PCDHA8: variants seen among roughly 807,000 people sequenced by gnomAD.
PCDHA8 encodes protocadherin alpha 8.
PCDHA8 carries 53 observed loss-of-function variants against 61.8 expected under a neutral mutation model. The ratio of observed to expected loss-of-function variants is 0.86; its 90% CI spans 0.69 to 1.08. The LOEUF is 1.08. Among genes scored for constraint, PCDHA8 ranks in the 50% least tolerant of loss-of-function variants. The probability of loss-of-function intolerance (pLI) is 0.00; values close to 1 mark genes in which losing one functional copy is unlikely to be tolerated. For missense variants in PCDHA8, 1,293 were observed against 1,245.0 expected (o/e 1.04, Z -0.58); for synonymous variants, 618 against 556.6 (o/e 1.11, Z -1.55).
chr5:140,842,730 C>T lies in PCDHA8; in HGVS notation c.1409C>T (p.Pro470Leu), dbSNP rs1302356073. Residue 470 changes from proline to leucine, a missense_variant, in exon 1 of 4, where the codon CCG (proline) becomes CTG (leucine). Transcript: ENST00000531613. ...YTVFVKENNP[P>L]GCHIFTVSAR... is the part of the protein sequence containing the mutation. ...GTGTTCGTGAAGGAGAACAACCCGC[C>T]GGGCTGCCACATCTTCACGGTGTCT... The T allele has an allele frequency of 6.3e-7, 1 of 1,594,964 alleles. No homozygotes were observed. Among genetic ancestry groups the T allele is most frequent in the Non-Finnish European group, 8.6e-7 (1 of 1,165,482 alleles).
intron 1 of PCDHA8, among the ~76,000 whole-genome samples, chr5:140,846,792 C>A (rs1780678433): frequency 6.7e-6 from 1 of 149,422 alleles, no homozygotes. Context: ...TACTGAGCCC[C>A]AGCCCCTGGC....
At chr5:140,917,522 G>A (rs931609211) in intron 1 of PCDHA8, among the ~76,000 whole-genome samples, 1 of 152,144 alleles carries the variant, frequency 6.6e-6, no homozygotes, top group Non-Finnish European at 1.5e-5. Context: ...TTTATTCTAC[G>A]GTTTGTATAG....
intron 3 of PCDHA8, among the ~76,000 whole-genome samples, chr5:140,992,017 CTGTG>C (rs10602499): frequency 0.28 from 40,265 of 145,404 alleles, 5,754 homozygotes; most frequent in East Asian, 0.38. Flanking sequence ...AGAGGTGGCT[CTGTG>C]TGTGTGTGTG....
chr5:140,908,967 G>C (rs1039870615), intron 1 of PCDHA8, among the ~76,000 whole-genome samples: 4 of 152,076 alleles, frequency 2.6e-5, no homozygotes, highest in Non-Finnish European at 5.9e-5. Context: ...ATCTTGATAG[G>C]CCCCACTCCA....
At chr5:140,913,144 A>T (rs1473490766) in intron 1 of PCDHA8, among the ~76,000 whole-genome samples, 4 of 152,180 alleles carry the variant, frequency 2.6e-5, no homozygotes, top group Non-Finnish European at 5.9e-5. Context: ...TTTTTGGAAT[A>T]GTTTGAGTAG....
intron 1 of PCDHA8, chr5:140,877,636 C>T (rs1554169939): frequency 1.2e-6 from 2 of 1,613,640 alleles, no homozygotes; most frequent in Admixed American, 1.7e-5. Context: ...CACTGCGCTG[C>T]GTTGCTCAGC....
intron 1 of PCDHA8, chr5:140,870,575 A>G (rs2052179546): frequency 6.2e-7 from 1 of 1,613,690 alleles, no homozygotes; most frequent in Admixed American, 1.7e-5. Flanking sequence ...CTGGTGTCCT[A>G]CTCGCTGGTG....
intron 1 of PCDHA8, chr5:140,858,003 A>G: frequency 6.3e-7 from 1 of 1,596,628 alleles, no homozygotes; most frequent in Non-Finnish European, 8.6e-7. Flanking sequence ...CTGGTGAAGG[A>G]CCATGGCGAG....
intron 3 of PCDHA8, among the ~76,000 whole-genome samples, chr5:140,990,224 G>A (rs1368393390): frequency 6.6e-6 from 1 of 152,160 alleles, no homozygotes; most frequent in South Asian, 2.1e-4. Flanking sequence ...GAAGTTTATT[G>A]TAACTAGCGT....
intron 1 of PCDHA8, among the ~76,000 whole-genome samples, chr5:140,924,889 T>C (rs1554202242): frequency 8.9e-6 from 1 of 112,122 alleles, no homozygotes; most frequent in Non-Finnish European, 1.8e-5. Flanking sequence ...AGCAAGAACC[T>C]GTCTCAAAAA....
intron 1 of PCDHA8, among the ~76,000 whole-genome samples, chr5:140,971,488 A>AG (rs1338536132): frequency 1.3e-5 from 2 of 152,222 alleles, no homozygotes; most frequent in African/African-American, 4.8e-5. Flanking sequence ...ACATTGTTAC[A>AG]GTGTGGCAAG....
rs137969621 is a variant in PCDHA8, at chr5:140,884,072, G to T, written c.2394+40357G>T. The T allele has an allele frequency of 9.1e-5, 147 of 1,613,476 alleles. 1 individual carries two copies. In the African/African-American group the frequency reaches 1.7e-3, roughly 19 times the overall value. On this transcript the variant is annotated intron_variant, in intron 1 of 3. Coordinates refer to ENST00000531613, the MANE Select transcript of PCDHA8 (RefSeq NM_018911.3). ...GGTGCGCGCGGTGGACGCCGATTCGGGCTACAATGCGTGGCTTTCGTATGA... is the reference window on the plus strand; with the variant it reads ...GGTGCGCGCGGTGGACGCCGATTCGTGCTACAATGCGTGGCTTTCGTATGA...
At chr5:140,871,273 G>T in intron 1 of PCDHA8, 3 of 1,613,916 alleles carry the variant, frequency 1.9e-6, no homozygotes, top group Non-Finnish European at 2.5e-6. Flanking sequence ...GTGGTGGTCG[G>T]CAACGCCCAC....
intron 1 of PCDHA8, chr5:140,966,327 C>A (rs1381846026): frequency 5.1e-6 from 2 of 392,388 alleles, no homozygotes; most frequent in East Asian, 3.6e-5. Flanking sequence ...CCGCTGGGAT[C>A]CGGCAGGTCC....
intron 1 of PCDHA8, chr5:140,871,364 G>T (rs113722940): frequency 2.5e-6 from 4 of 1,614,102 alleles, no homozygotes; most frequent in Non-Finnish European, 3.4e-6. Context: ...CAGCAGAGGC[G>T]GCAGAGGGTG....
At chr5:141,004,156 A>G (rs2098155888) in intron 3 of PCDHA8, among the ~76,000 whole-genome samples, 1 of 152,248 alleles carries the variant, frequency 6.6e-6, no homozygotes, top group Admixed American at 6.5e-5. Flanking sequence ...GACATTTTAT[A>G]GGCAAAGCCA....
At chr5:140,953,058 C>T (rs1186621578) in intron 1 of PCDHA8, among the ~76,000 whole-genome samples, 1 of 152,202 alleles carries the variant, frequency 6.6e-6, no homozygotes, top group African/African-American at 2.4e-5. Flanking sequence ...TCACCTCTCA[C>T]AGGCCCCATC....
intron 1 of PCDHA8, among the ~76,000 whole-genome samples, chr5:140,880,962 A>G (rs1439455519): frequency 6.6e-6 from 1 of 152,224 alleles, no homozygotes; most frequent in Non-Finnish European, 1.5e-5. Context: ...GATGAGGGTA[A>G]GAGAATACCA....
At position 140,875,707 on chromosome 5, in the gene PCDHA8, C is replaced by G. The variant is rs782640816; in HGVS notation, c.2394+31992C>G. ...ACACGGGGACCTTCTGGAGGTAAAT[C>G]TGCAGAATGGCATTTTGTTTGTGAA... On this transcript the variant is annotated intron_variant, in intron 1 of 3. Transcript: ENST00000531613. The G allele has an allele frequency of 6.2e-6, 10 of 1,614,048 alleles. No homozygotes were observed. In the South Asian group the frequency reaches 6.6e-5, roughly 11 times the overall value.
Sources: allele counts gnomAD v4.1 joint callset (sites outside exome capture counted in the v4.1 genomes callset), GRCh38; gene constraint gnomAD v4.1.1; transcripts MANE v1.5; gene names NCBI Gene and HGNC (gene_info 2026-07-23, HGNC 2026-07-21).